NR2F1-AS1: variants seen among roughly 807,000 people sequenced by gnomAD.
NR2F1-AS1 encodes the protein NR2F1 regulatory antisense RNA 1, also known as NR2F1 antisense RNA 1.
chr5:93,439,391 T>C (rs560317979), intron 4 of NR2F1-AS1, among the ~76,000 whole-genome samples: 18 of 152,058 alleles, frequency 1.2e-4, no homozygotes, highest in African/African-American at 4.1e-4. Flanking sequence ...CCCCCCGGGG[T>C]TCACGCCATT....
At chr5:93,425,076 T>G (rs998767550) in intron 4 of NR2F1-AS1, among the ~76,000 whole-genome samples, 1 of 152,208 alleles carries the variant, frequency 6.6e-6, no homozygotes, top group African/African-American at 2.4e-5. Context: ...CACCCTAAAT[T>G]TACTAGCTAA....
At position 93,436,231 on chromosome 5, in the gene NR2F1-AS1, A is replaced by T. The variant is rs181449300; in HGVS notation, n.639-40689T>A. 1.6e-4 allele frequency among the ~76,000 whole-genome samples: 25 copies of T among 152,348 alleles called. No homozygotes were observed. The East Asian group carries it at 3.1e-3, about 19-fold the overall frequency. Reference sequence around the variant, plus strand: ...GAAAACCCTCAACAAACAATCACAGATAATAATCAACATCAAAGAGATACC... The same window carrying T: ...GAAAACCCTCAACAAACAATCACAGTTAATAATCAACATCAAAGAGATACC... On this transcript the variant is annotated intron_variant and non_coding_transcript_variant, in intron 4 of 5. Coordinates refer to ENST00000660523, the Ensembl canonical transcript of NR2F1-AS1.
intron 4 of NR2F1-AS1, chr5:93,495,919 A>G (rs1389937465): frequency 6.6e-6 from 1 of 152,148 alleles, no homozygotes; most frequent in African/African-American, 2.4e-5. Context: ...TGTGGATACT[A>G]CAAACTAAGT....
intron 4 of NR2F1-AS1, among the ~76,000 whole-genome samples, chr5:93,416,021 T>G (rs1193250959): frequency 6.6e-6 from 1 of 152,182 alleles, no homozygotes; most frequent in Non-Finnish European, 1.5e-5. Context: ...TCTGTTGAAG[T>G]GATGGATTCT....
intron 4 of NR2F1-AS1, among the ~76,000 whole-genome samples, chr5:93,493,998 A>G (rs1032378718): frequency 5.3e-5 from 8 of 152,210 alleles, no homozygotes; most frequent in African/African-American, 1.9e-4. Flanking sequence ...GATATGTTGG[A>G]CTTCATAAAA....
Position 93,527,454 on chromosome 5 carries a change from C to G in NR2F1-AS1, n.638+26307G>C, listed in dbSNP as rs541054873. On this transcript the variant is annotated intron_variant and non_coding_transcript_variant, in intron 4 of 5. Coordinates refer to ENST00000660523, the Ensembl canonical transcript of NR2F1-AS1. Reference sequence around the variant, plus strand: ...TTTATAGATTTAATGCTATCCCCATCAAGCTACCATTGACTTTCCTCACAG... The same window carrying G: ...TTTATAGATTTAATGCTATCCCCATGAAGCTACCATTGACTTTCCTCACAG... Among the ~76,000 whole-genome samples, 6 of 152,276 alleles carry G rather than the reference C, an allele frequency of 3.9e-5. No homozygotes were observed. In the East Asian group the frequency reaches 9.7e-4, roughly 25 times the overall value.
intron 4 of NR2F1-AS1, among the ~76,000 whole-genome samples, chr5:93,540,052 A>G (rs1316803883): frequency 6.6e-6 from 1 of 152,218 alleles, no homozygotes; most frequent in African/African-American, 2.4e-5. Flanking sequence ...CCTCATGACC[A>G]CAAGTGCAAC....
intron 1 of NR2F1-AS1, among the ~76,000 whole-genome samples, chr5:93,578,729 C>G (rs968254318): frequency 6.6e-6 from 1 of 152,210 alleles, no homozygotes; most frequent in Non-Finnish European, 1.5e-5. Context: ...GAAACGTGGA[C>G]ACTACAACTG....
At chr5:93,527,998 G>T (rs1751657931) in intron 4 of NR2F1-AS1, among the ~76,000 whole-genome samples, 1 of 152,094 alleles carries the variant, frequency 6.6e-6, no homozygotes, top group African/African-American at 2.4e-5. Context: ...TAACAAACAG[G>T]ATCTAATTAA....
At chr5:93,441,020 T>C (rs533918549) in intron 4 of NR2F1-AS1, among the ~76,000 whole-genome samples, 1 of 152,334 alleles carries the variant, frequency 6.6e-6, no homozygotes, top group South Asian at 2.1e-4. Context: ...GCTGCTAATA[T>C]TCACCTTCTT....
At chr5:93,480,545 C>T (rs1750579234) in intron 4 of NR2F1-AS1, among the ~76,000 whole-genome samples, 1 of 152,024 alleles carries the variant, frequency 6.6e-6, no homozygotes, top group Admixed American at 6.6e-5. Context: ...TAACTTAAAG[C>T]CATACAATGA....
At chr5:93,441,842 G>T (rs1325579781) in intron 4 of NR2F1-AS1, among the ~76,000 whole-genome samples, 4 of 150,650 alleles carry the variant, frequency 2.7e-5, no homozygotes, top group Non-Finnish European at 5.9e-5. Context: ...TCATAATTTT[G>T]TAAGATTCTC....
intron 4 of NR2F1-AS1, among the ~76,000 whole-genome samples, chr5:93,524,987 G>T (rs1030570352): frequency 6.6e-6 from 1 of 152,094 alleles, no homozygotes; most frequent in Admixed American, 6.6e-5. Flanking sequence ...ATAACGACAG[G>T]ATCAAATTCA....
At chr5:93,565,485 G>C (rs981624551) in intron 1 of NR2F1-AS1, among the ~76,000 whole-genome samples, 2 of 151,896 alleles carry the variant, frequency 1.3e-5, no homozygotes, top group Non-Finnish European at 1.5e-5. Flanking sequence ...TAGCAAAAAG[G>C]ATAACTGCCA....
chr5:93,569,810 G>GT (rs1752703215), intron 1 of NR2F1-AS1: 1 of 152,178 alleles, frequency 6.6e-6, no homozygotes, highest in Non-Finnish European at 1.5e-5. Flanking sequence ...ATTTAAAAAG[G>GT]TTTTTTCATC....
At chr5:93,529,850 T>C (rs1316284513) in intron 4 of NR2F1-AS1, among the ~76,000 whole-genome samples, 1 of 152,178 alleles carries the variant, frequency 6.6e-6, no homozygotes, top group Non-Finnish European at 1.5e-5. Context: ...ACCTGTGTGA[T>C]AAGTCTTAAG....
chr5:93,533,745 G>T (rs1330544599), intron 4 of NR2F1-AS1, among the ~76,000 whole-genome samples: 5 of 152,158 alleles, frequency 3.3e-5, no homozygotes, highest in Admixed American at 1.3e-4. Flanking sequence ...GAAGAGGAAG[G>T]TAAGGCTTAA....
chr5:93,470,207 C>T (rs919474892), intron 4 of NR2F1-AS1, among the ~76,000 whole-genome samples: 48 of 151,776 alleles, frequency 3.2e-4, no homozygotes, highest in African/African-American at 1.1e-3. Flanking sequence ...GAAAGGGTAC[C>T]TAATATACTT....
At chr5:93,508,383 G>A (rs1350082193) in intron 4 of NR2F1-AS1, among the ~76,000 whole-genome samples, 3 of 151,946 alleles carry the variant, frequency 2.0e-5, no homozygotes, top group Non-Finnish European at 2.9e-5. Context: ...TTGAGGAAAC[G>A]AAAAGTTATT....
Sources: gnomAD v4.1 joint callset for allele counts (sites outside exome capture counted in the v4.1 genomes callset) on GRCh38, gnomAD v4.1.1 for gene constraint, MANE v1.5 for transcripts, NCBI Gene and HGNC (gene_info 2026-07-23, HGNC 2026-07-21) for gene names.